Variants in ADARB2 observed in about 807,000 individuals in gnomAD.
ADARB2 encodes the protein adenosine deaminase RNA specific B2 (inactive).
ADARB2 carries 25 observed loss-of-function variants against 62.2 expected under a neutral mutation model. That is an observed-to-expected ratio of 0.40 (90% confidence interval 0.29 to 0.56). ADARB2 has a LOEUF of 0.56. ADARB2 is among the 20% of genes least tolerant of loss of function. ADARB2 has a pLI of 0.43. For missense variants in ADARB2, 1,071 were observed against 1,077.4 expected (o/e 0.99, Z 0.08); for synonymous variants, 572 against 500.8 (o/e 1.14, Z -1.90).
chr10:1,191,048 ACT>A (rs1424606456), intron 8 of ADARB2, among the ~76,000 whole-genome samples: 1 of 121,364 alleles, frequency 8.2e-6, no homozygotes, highest in Non-Finnish European at 1.8e-5. Context: ...GGGTTTGCAC[ACT>A]CTGGGCCCCA....
intron 3 of ADARB2, among the ~76,000 whole-genome samples, chr10:1,297,236 G>A (rs1268400379): frequency 1.3e-5 from 2 of 152,152 alleles, no homozygotes; most frequent in African/African-American, 4.8e-5. Context: ...AGGAAGGGAG[G>A]TGTAGCCCCC....
chr10:1,205,159 G>C (rs1248039209), intron 7 of ADARB2, among the ~76,000 whole-genome samples: 3 of 152,226 alleles, frequency 2.0e-5, no homozygotes, highest in Admixed American at 6.5e-5. Context: ...GCCAGGAAAG[G>C]GGTCCCTGCT....
At chr10:1,731,779 C>T (rs1189671398) in intron 1 of ADARB2, among the ~76,000 whole-genome samples, 4 of 152,194 alleles carry the variant, frequency 2.6e-5, no homozygotes, top group African/African-American at 9.7e-5. Context: ...CTTGAGCTAT[C>T]CTAACCACAG....
At chr10:1,490,733 G>C (rs114587226) in intron 1 of ADARB2, among the ~76,000 whole-genome samples, 8 of 152,164 alleles carry the variant, frequency 5.3e-5, no homozygotes, top group African/African-American at 1.9e-4. Flanking sequence ...GGAATCACCC[G>C]CCTGAGCCAA....
At chr10:1,400,993 C>T (rs1260885885) in intron 1 of ADARB2, among the ~76,000 whole-genome samples, 1 of 152,182 alleles carries the variant, frequency 6.6e-6, no homozygotes, top group Non-Finnish European at 1.5e-5. Flanking sequence ...CCACCGGAAC[C>T]TTAACCGCTG....
At chr10:1,463,767 A>G (rs536566285) in intron 1 of ADARB2, among the ~76,000 whole-genome samples, 2 of 152,334 alleles carry the variant, frequency 1.3e-5, no homozygotes, top group South Asian at 4.1e-4. Context: ...GGGAGAAAAT[A>G]TTTGCAAATC....
chr10:1,633,553 T>TATCTATC (rs1554776935), intron 1 of ADARB2, among the ~76,000 whole-genome samples: 1 of 62,610 alleles, frequency 1.6e-5, no homozygotes, highest in African/African-American at 7.4e-5. Context: ...ATCTATCATC[T>TATCTATC]ATCTATCTAT....
chr10:1,687,719 G>A (rs529878891), intron 1 of ADARB2, among the ~76,000 whole-genome samples: 3 of 152,212 alleles, frequency 2.0e-5, no homozygotes, highest in East Asian at 3.9e-4. Flanking sequence ...CCGGGTCCAA[G>A]GCTGGAGACA....
chr10:1,495,621 C>T (rs115696686), intron 1 of ADARB2, among the ~76,000 whole-genome samples: 1,104 of 66,490 alleles, frequency 0.017, 17 homozygotes, highest in African/African-American at 0.044. Flanking sequence ...TAGAAATATT[C>T]CATTCCATTA....
At chr10:1,337,458 A>G (rs2131836862) in intron 3 of ADARB2, among the ~76,000 whole-genome samples, 1 of 152,350 alleles carries the variant, frequency 6.6e-6, no homozygotes, top group East Asian at 1.9e-4. Context: ...TGCTCAAGAA[A>G]TGAGCTGAAA....
chr10:1,351,247 T>C (rs539812489), intron 3 of ADARB2, among the ~76,000 whole-genome samples: 24 of 152,074 alleles, frequency 1.6e-4, no homozygotes, highest in Non-Finnish European at 3.1e-4. Flanking sequence ...CTCAGAAGCC[T>C]CCTGGACCAT....
At chr10:1,423,691 AC>A in intron 1 of ADARB2, among the ~76,000 whole-genome samples, 1 of 152,146 alleles carries the variant, frequency 6.6e-6, no homozygotes, top group East Asian at 1.9e-4. Flanking sequence ...CAGTAAGACC[AC>A]TGTGTATGCA....
At chr10:1,319,206 A>C (rs1230898433) in intron 3 of ADARB2, among the ~76,000 whole-genome samples, 1 of 152,246 alleles carries the variant, frequency 6.6e-6, no homozygotes, top group African/African-American at 2.4e-5. Flanking sequence ...GGACACCCCA[A>C]AACAATGAGG....
chr10:1,448,754 C>T lies in ADARB2; in HGVS notation c.101-69594G>A, dbSNP rs1325361244. ...CCTTATATGGCCTTGGAAAGGAAAC[C>T]GTGCTTGGTCTAAATCAACAGCTTT... On this transcript the variant is annotated intron_variant, in intron 1 of 9. Coordinates refer to ENST00000381312, the MANE Select transcript of ADARB2 (RefSeq NM_018702.4). Among the ~76,000 whole-genome samples, 6 of 152,226 alleles carry T rather than the reference C, an allele frequency of 3.9e-5. No homozygotes were observed. The East Asian group carries it at 5.8e-4, about 15-fold the overall frequency.
intron 1 of ADARB2, among the ~76,000 whole-genome samples, chr10:1,670,769 T>G (rs1180923989): frequency 6.6e-6 from 1 of 152,200 alleles, no homozygotes; most frequent in East Asian, 1.9e-4. Context: ...CTTCCTGAGC[T>G]GTCCAGCAGG....
At position 1,183,289 on chromosome 10, in the gene ADARB2, A is replaced by C; in HGVS notation, c.2124T>G (p.Ser708=). ...AGGCCTTGAACAGCTGCTGTTTCAC[A>C]GACTGGTAGGTGTGCGCCCCCAGCT... ...EAKLGAHTYQ[S]VKQQLFKAFQ... Residue 708 remains serine (S), a synonymous_variant, in exon 10 of 10, where the codon TCT becomes TCG. Transcript: ENST00000381312. 1 of 1,614,154 alleles carries C rather than the reference A, an allele frequency of 6.2e-7. No individual in the cohort carries two copies.
chr10:1,451,585 T>C (rs1014674631), intron 1 of ADARB2, among the ~76,000 whole-genome samples: 2 of 149,310 alleles, frequency 1.3e-5, no homozygotes, highest in African/African-American at 5.0e-5. Flanking sequence ...CACACCTGTA[T>C]GAGGAGGGGC....
chr10:1,351,716 C>A (rs1379823729), intron 3 of ADARB2, among the ~76,000 whole-genome samples: 5 of 152,048 alleles, frequency 3.3e-5, no homozygotes, highest in African/African-American at 1.2e-4. Flanking sequence ...CCACTCAATG[C>A]CAATATCTCA....
chr10:1,252,172 A>G (rs1589165841), intron 4 of ADARB2, among the ~76,000 whole-genome samples: 2 of 152,314 alleles, frequency 1.3e-5, no homozygotes, highest in East Asian at 1.9e-4. Flanking sequence ...CTTATACTGT[A>G]TCTGGTTTTG....
Sources: gnomAD v4.1 joint callset for allele counts (sites outside exome capture counted in the v4.1 genomes callset) on GRCh38, gnomAD v4.1.1 for gene constraint, MANE v1.5 for transcripts, NCBI Gene and HGNC (gene_info 2026-07-23, HGNC 2026-07-21) for gene names.